Variants in ADAMTS12 observed in about 807,000 individuals in gnomAD.
ADAMTS12 encodes the protein A disintegrin and metalloproteinase with thrombospondin motifs 12.
A neutral mutation model predicts 167.8 loss-of-function variants in ADAMTS12; 118 were observed. That is an observed-to-expected ratio of 0.70 (90% CI 0.61 to 0.82). ADAMTS12 has a LOEUF of 0.82. ADAMTS12 is among the 40% of genes least tolerant of loss of function. ADAMTS12 has a pLI of 0.00. For synonymous variants in ADAMTS12, 704 were observed against 716.9 expected, an observed-to-expected ratio of 0.98 and a Z score of 0.29; for missense variants, 1,916 against 1,998.8, an observed-to-expected ratio of 0.96 and a Z score of 0.79.
chr5:33,627,131 G>GA (rs1231859765), intron 13 of ADAMTS12, among the ~76,000 whole-genome samples: 2 of 147,744 alleles, frequency 1.4e-5, no homozygotes, highest in African/African-American at 5.0e-5. Flanking sequence ...TGGTGGTGAT[G>GA]TGGTGGTGGT....
At chr5:33,676,815 T>A (rs1741930757) in intron 5 of ADAMTS12, among the ~76,000 whole-genome samples, 1 of 151,780 alleles carries the variant, frequency 6.6e-6, no homozygotes, top group African/African-American at 2.4e-5. Flanking sequence ...GGGGGAGGGG[T>A]AAACCACCAG....
At chr5:33,802,597 C>T (rs1019639182) in intron 2 of ADAMTS12, among the ~76,000 whole-genome samples, 12 of 152,176 alleles carry the variant, frequency 7.9e-5, no homozygotes, top group Non-Finnish European at 1.6e-4. Flanking sequence ...TCACTGGGTG[C>T]TCTGCTTAAA....
chr5:33,707,646 C>T (rs1020112585), intron 3 of ADAMTS12, among the ~76,000 whole-genome samples: 22 of 152,088 alleles, frequency 1.4e-4, no homozygotes, highest in African/African-American at 5.3e-4. Flanking sequence ...AGAAATAACA[C>T]CACACATCTA....
intron 23 of ADAMTS12, among the ~76,000 whole-genome samples, chr5:33,532,375 G>T (rs1348085158): frequency 1.3e-5 from 2 of 151,900 alleles, no homozygotes; most frequent in Non-Finnish European, 2.9e-5. Context: ...ATAAGTGAAT[G>T]AATGAGATCC....
At chr5:33,783,402 C>T (rs1303179797) in intron 2 of ADAMTS12, among the ~76,000 whole-genome samples, 1 of 150,952 alleles carries the variant, frequency 6.6e-6, no homozygotes, top group Non-Finnish European at 1.5e-5. Flanking sequence ...TAATTAAGTA[C>T]AAAAAAGAAA....
intron 3 of ADAMTS12, among the ~76,000 whole-genome samples, chr5:33,727,012 A>T (rs1269908002): frequency 6.6e-6 from 1 of 152,072 alleles, no homozygotes; most frequent in Admixed American, 6.5e-5. Flanking sequence ...GGGTGAATCA[A>T]ATCTCTAGTC....
intron 21 of ADAMTS12, among the ~76,000 whole-genome samples, chr5:33,547,847 C>CTGG (rs1745057955): frequency 6.6e-6 from 1 of 152,178 alleles, no homozygotes; most frequent in African/African-American, 2.4e-5. Flanking sequence ...CTGTGAATTC[C>CTGG]TGGATTCTGG....
At chr5:33,540,002 G>A (rs115255205) in intron 22 of ADAMTS12, among the ~76,000 whole-genome samples, 1,996 of 152,348 alleles carry the variant, frequency 0.013, 42 homozygotes, top group African/African-American at 0.046. Flanking sequence ...GCAGGGCGGG[G>A]CGTCGCTTCA....
At chr5:33,611,396 C>CT (rs1738723527) in intron 16 of ADAMTS12, among the ~76,000 whole-genome samples, 2 of 151,222 alleles carry the variant, frequency 1.3e-5, no homozygotes, top group Non-Finnish European at 2.9e-5. Context: ...AGCAATAAAG[C>CT]TGAGTGGTTA....
At chr5:33,867,654 T>C (rs918035928) in intron 2 of ADAMTS12, among the ~76,000 whole-genome samples, 2 of 152,028 alleles carry the variant, frequency 1.3e-5, no homozygotes, top group Non-Finnish European at 2.9e-5. Flanking sequence ...CACACACACA[T>C]ATATAAAAAG....
intron 5 of ADAMTS12, among the ~76,000 whole-genome samples, chr5:33,670,980 A>G (rs1741670172): frequency 6.6e-6 from 1 of 152,158 alleles, no homozygotes; most frequent in Non-Finnish European, 1.5e-5. Context: ...CACTCAGCAA[A>G]AAGGGGAAAA....
At chr5:33,843,746 C>T (rs1239981172) in intron 2 of ADAMTS12, among the ~76,000 whole-genome samples, 1 of 152,174 alleles carries the variant, frequency 6.6e-6, no homozygotes, top group Non-Finnish European at 1.5e-5. Flanking sequence ...CCTATATGTG[C>T]TATGGTTTTG....
At chr5:33,586,789 T>G (rs1747375192) in intron 18 of ADAMTS12, among the ~76,000 whole-genome samples, 1 of 152,198 alleles carries the variant, frequency 6.6e-6, no homozygotes, top group Non-Finnish European at 1.5e-5. Flanking sequence ...TAGGTTGCAG[T>G]GGACTAATAA....
chr5:33,765,968 C>T (rs1344763994), intron 2 of ADAMTS12, among the ~76,000 whole-genome samples: 2 of 152,074 alleles, frequency 1.3e-5, no homozygotes, highest in African/African-American at 2.4e-5. Flanking sequence ...AGCCGTAGGT[C>T]GTTACAATCA....
At chr5:33,625,729 T>C (rs1739557041) in intron 13 of ADAMTS12, among the ~76,000 whole-genome samples, 1 of 152,166 alleles carries the variant, frequency 6.6e-6, no homozygotes, top group Non-Finnish European at 1.5e-5. Context: ...GACACACCCA[T>C]GTCCCCAACA....
chr5:33,876,799 A>C (rs1187903911), intron 2 of ADAMTS12, among the ~76,000 whole-genome samples: 1 of 152,210 alleles, frequency 6.6e-6, no homozygotes, highest in African/African-American at 2.4e-5. Context: ...ATCAGTGTTA[A>C]AATCCTGGCT....
intron 2 of ADAMTS12, among the ~76,000 whole-genome samples, chr5:33,826,275 C>G (rs7445739): frequency 0.98 from 148,666 of 152,158 alleles, 72,716 homozygotes; most frequent in East Asian, 1. Flanking sequence ...TTTTCTTCCT[C>G]AGCTATGGAA....
At chr5:33,882,587 G>A (rs1750486410) in intron 1 of ADAMTS12, among the ~76,000 whole-genome samples, 1 of 152,014 alleles carries the variant, frequency 6.6e-6, no homozygotes, top group Non-Finnish European at 1.5e-5. Context: ...GTTTTGTTTT[G>A]TTTTGTTTTG....
intron 1 of ADAMTS12, among the ~76,000 whole-genome samples, chr5:33,890,698 C>T (rs764892493): frequency 9.2e-5 from 14 of 152,106 alleles, no homozygotes; most frequent in Admixed American, 6.6e-4. Context: ...CGTGTGCATG[C>T]GTGTGGGTGC....
Sources: gnomAD v4.1 joint callset for allele counts (sites outside exome capture counted in the v4.1 genomes callset) on GRCh38, gnomAD v4.1.1 for gene constraint, MANE v1.5 for transcripts, NCBI Gene and HGNC (gene_info 2026-07-23, HGNC 2026-07-21) for gene names.